NRXN1: variants seen among roughly 807,000 people sequenced by gnomAD.
NRXN1 encodes the protein neurexin-1.
In NRXN1, 39 loss-of-function variants were observed where a neutral mutation model predicts 150.9. The observed-to-expected ratio is 0.26, with a 90% CI of 0.20 to 0.34. The LOEUF (loss-of-function observed/expected upper bound fraction) is 0.34, where lower values mean the gene tolerates loss of function less well. Among genes scored for constraint, NRXN1 ranks in the 10% least tolerant of loss-of-function variants. The probability of loss-of-function intolerance (pLI) is 1.00; values close to 1 mark genes in which losing one functional copy is unlikely to be tolerated. For synonymous variants in NRXN1, 924 were observed against 757.0 expected (o/e 1.22, Z -3.62); for missense variants, 1,815 against 1,949.9 (o/e 0.93, Z 1.30).
At position 49,919,061 on chromosome 2, in the gene NRXN1, T is replaced by C. The variant is rs1572843782; in HGVS notation, c.*2883A>G. On this transcript the variant is annotated 3_prime_UTR_variant, in exon 23 of 23. Coordinates refer to ENST00000401669, the MANE Select transcript of NRXN1 (RefSeq NM_001330078.2). ...TTTGATGTCTTAGGGATTGACCACT[T>C]CACACGTTATTGTAGTATTTGTTCT... 1 of 152,128 alleles carries C rather than the reference T, an allele frequency of 6.6e-6. No individual in the cohort carries two copies. Among genetic ancestry groups the C allele is most frequent in the South Asian group, 2.1e-4 (1 of 4,838 alleles). The allele number at this position is 152,128 out of a possible 1,614,324, so 9.4% of individuals were successfully genotyped here.
chr2:50,944,596 C>CCAA (rs1465197068), intron 2 of NRXN1, among the ~76,000 whole-genome samples: 9 of 152,050 alleles, frequency 5.9e-5, no homozygotes, highest in Non-Finnish European at 1.0e-4. Context: ...AACATATTTA[C>CCAA]CAACAATTTT....
rs201397488 is a variant in NRXN1 at position 50,623,398 on chromosome 2, G to T, written c.1050C>A (p.Ala350=). ...VSLVINLGSG[A]FEALVEPVNG... is the part of the protein sequence containing the mutation. ...TCACAGGCTCCACTAGTGCTTCAAA[G>T]GCCCCTGATCCCAAATTAATGACCA... The change falls in exon 6 of 23, where the codon GCC becomes GCA. Residue 350 remains alanine, a synonymous_variant. Coordinates refer to ENST00000401669, the MANE Select transcript of NRXN1 (RefSeq NM_001330078.2). The T allele has an allele frequency of 1.2e-6, 2 of 1,613,226 alleles. No homozygotes were observed. The highest frequency in any genetic ancestry group is 2.7e-5 in the African/African-American group (2 of 74,860).
At chr2:49,960,142 T>C (rs1201553934) in intron 21 of NRXN1, among the ~76,000 whole-genome samples, 2 of 152,202 alleles carry the variant, frequency 1.3e-5, no homozygotes, top group East Asian at 3.9e-4. Context: ...TTTAAGTATG[T>C]TGCCATGGCA....
chr2:50,896,668 G>A lies in NRXN1; in HGVS notation c.832+25201C>T, dbSNP rs571528139. Reference sequence around the variant, plus strand: ...TCAAGATCAGACTGGCCAACATGGCGAAACGCTGTCTCTACTAAAAATACA... The same window carrying A: ...TCAAGATCAGACTGGCCAACATGGCAAAACGCTGTCTCTACTAAAAATACA... On this transcript the variant is annotated intron_variant, in intron 5 of 22. Coordinates refer to ENST00000401669, the MANE Select transcript of NRXN1 (RefSeq NM_001330078.2). Among the ~76,000 whole-genome samples the A allele has an allele frequency of 9.2e-5, 14 of 152,210 alleles. No individual in the cohort carries two copies. The East Asian group carries it at 2.3e-3, about 25-fold the overall frequency.
At chr2:49,977,188 C>A (rs1679137033) in intron 21 of NRXN1, among the ~76,000 whole-genome samples, 1 of 152,050 alleles carries the variant, frequency 6.6e-6, no homozygotes, top group African/African-American at 2.4e-5. Flanking sequence ...CAAATTAAGT[C>A]AAAGATTACA....
intron 18 of NRXN1, among the ~76,000 whole-genome samples, chr2:50,210,117 G>A (rs1399930855): frequency 6.6e-6 from 1 of 151,882 alleles, no homozygotes; most frequent in Non-Finnish European, 1.5e-5. Context: ...GTCCAGTCAA[G>A]CCCAGGCAAT....
chr2:50,480,233 C>T (rs2104776666), intron 15 of NRXN1, among the ~76,000 whole-genome samples: 1 of 152,246 alleles, frequency 6.6e-6, no homozygotes, highest in African/African-American at 2.4e-5. Flanking sequence ...GAAAGAGATA[C>T]AGAGATGAAG....
chr2:50,315,480 A>T (rs2075525056), intron 17 of NRXN1, among the ~76,000 whole-genome samples: 1 of 152,140 alleles, frequency 6.6e-6, no homozygotes, highest in Non-Finnish European at 1.5e-5. Flanking sequence ...TCACAGTTAC[A>T]TGGAAGATTA....
chr2:50,462,199 G>C (rs895357292), intron 17 of NRXN1, among the ~76,000 whole-genome samples: 1 of 151,818 alleles, frequency 6.6e-6, no homozygotes, highest in African/African-American at 2.4e-5. Flanking sequence ...TATAAACCAA[G>C]AAAACAGAGA....
At chr2:50,261,347 A>G (rs1384776875) in intron 17 of NRXN1, among the ~76,000 whole-genome samples, 1 of 151,806 alleles carries the variant, frequency 6.6e-6, no homozygotes, top group Non-Finnish European at 1.5e-5. Context: ...GAAAGCCTCT[A>G]AGGTACGCTC....
chr2:50,681,792 T>G (rs968703692), intron 5 of NRXN1, among the ~76,000 whole-genome samples: 1 of 152,210 alleles, frequency 6.6e-6, no homozygotes, highest in East Asian at 1.9e-4. Flanking sequence ...AGTGGTTTGA[T>G]GTTAAATCAA....
intron 19 of NRXN1, among the ~76,000 whole-genome samples, chr2:50,077,185 C>T (rs1206496828): frequency 6.6e-6 from 1 of 152,042 alleles, no homozygotes; most frequent in East Asian, 1.9e-4. Context: ...ATAGAGTGCC[C>T]ACTACAGACT....
At chr2:50,098,414 T>C (rs180914865) in intron 18 of NRXN1, among the ~76,000 whole-genome samples, 37 of 152,128 alleles carry the variant, frequency 2.4e-4, no homozygotes, top group Admixed American at 2.4e-3. Flanking sequence ...CAAACTGCCA[T>C]GGGAGCAAAC....
At chr2:50,955,303 C>T (rs1692105081) in intron 2 of NRXN1, among the ~76,000 whole-genome samples, 1 of 152,172 alleles carries the variant, frequency 6.6e-6, no homozygotes, top group South Asian at 2.1e-4. Context: ...CTGGCCCTGA[C>T]TGTCACCAGC....
intron 5 of NRXN1, among the ~76,000 whole-genome samples, chr2:50,645,902 CA>C (rs1684751118): frequency 6.6e-6 from 1 of 151,836 alleles, no homozygotes; most frequent in South Asian, 2.1e-4. Context: ...ACACATTAAA[CA>C]AATCATTCAA....
chr2:50,022,906 GGAA>G (rs1222870193), intron 21 of NRXN1: 1 of 152,118 alleles, frequency 6.6e-6, no homozygotes, highest in East Asian at 1.9e-4. Context: ...AGAGCTTCTA[GGAA>G]GACTGAATTC....
intron 17 of NRXN1, among the ~76,000 whole-genome samples, chr2:50,357,219 T>C (rs1159409592): frequency 6.6e-6 from 1 of 152,096 alleles, no homozygotes; most frequent in African/African-American, 2.4e-5. Context: ...TGAGTAATGA[T>C]AAGGCCACTG....
intron 5 of NRXN1, among the ~76,000 whole-genome samples, chr2:50,734,967 T>C (rs1166847954): frequency 1.3e-5 from 2 of 152,190 alleles, no homozygotes; most frequent in African/African-American, 4.8e-5. Flanking sequence ...TGGGCTACAA[T>C]ATACCTGTTC....
chr2:50,942,493 C>T (rs1427023992), intron 2 of NRXN1, among the ~76,000 whole-genome samples: 6 of 152,144 alleles, frequency 3.9e-5, no homozygotes, highest in Non-Finnish European at 8.8e-5. Flanking sequence ...CCCTACAGAG[C>T]CATGGAGGTA....
Sources: gnomAD v4.1 joint callset for allele counts (sites outside exome capture counted in the v4.1 genomes callset) on GRCh38, gnomAD v4.1.1 for gene constraint, MANE v1.5 for transcripts, NCBI Gene and HGNC (gene_info 2026-07-23, HGNC 2026-07-21) for gene names.